Variants in GPBP1 observed in about 807,000 individuals in gnomAD.
The protein encoded by GPBP1 is vasculin.
In GPBP1, 13 loss-of-function variants were observed where a neutral mutation model predicts 56.5. The ratio of observed to expected loss-of-function variants is 0.23; its 90% CI spans 0.15 to 0.37. GPBP1 has a LOEUF of 0.37. Among genes scored for constraint, GPBP1 ranks in the 10% least tolerant of loss-of-function variants. The pLI is 1.00. For synonymous variants in GPBP1, 204 were observed against 188.9 expected (o/e 1.08, Z -0.66); for missense variants, 477 against 572.3 (o/e 0.83, Z 1.70).
chr5:57,183,691 A>C (rs192807134), intron 2 of GPBP1, among the ~76,000 whole-genome samples: 2 of 152,124 alleles, frequency 1.3e-5, no homozygotes, highest in East Asian at 3.9e-4. Flanking sequence ...GGGAAATACT[A>C]GTCTATGTTT....
rs189394670 is a variant in GPBP1 at position 57,212,099 on chromosome 5, G to A, written c.-57-1975G>A. Reference sequence around the variant, plus strand: ...TTACAGGTGCCCACCACCGTGCCCTGCTAATTTTTGTATTTTTATGGGGTT... The same window carrying A: ...TTACAGGTGCCCACCACCGTGCCCTACTAATTTTTGTATTTTTATGGGGTT... On this transcript the variant is annotated intron_variant, in intron 2 of 11. Transcript: ENST00000506184. Among the ~76,000 whole-genome samples the A allele has an allele frequency of 5.9e-4, 90 of 151,918 alleles. 1 individual carries two copies. In the East Asian group the frequency reaches 0.016, roughly 27 times the overall value.
At chr5:57,210,528 T>C (rs1195269233) in intron 2 of GPBP1, among the ~76,000 whole-genome samples, 3 of 152,178 alleles carry the variant, frequency 2.0e-5, no homozygotes, top group African/African-American at 7.2e-5. Context: ...AGTAGGACTG[T>C]TGATTTGCCT....
chr5:57,257,371 T>G (rs1046779658), intron 10 of GPBP1, among the ~76,000 whole-genome samples: 1 of 152,186 alleles, frequency 6.6e-6, no homozygotes. Flanking sequence ...TTTTCAAATA[T>G]TAAAATATGA....
At chr5:57,187,540 T>G (rs1358907929) in intron 2 of GPBP1, among the ~76,000 whole-genome samples, 4 of 152,202 alleles carry the variant, frequency 2.6e-5, no homozygotes, top group African/African-American at 9.7e-5. Flanking sequence ...TGAAGTTTGC[T>G]GTGAAGTTCT....
chr5:57,239,194 C>T (rs1224841649), intron 6 of GPBP1, among the ~76,000 whole-genome samples: 1 of 152,082 alleles, frequency 6.6e-6, no homozygotes, highest in African/African-American at 2.4e-5. Flanking sequence ...AGTAGTACAA[C>T]GTGTTCATGG....
intron 2 of GPBP1, among the ~76,000 whole-genome samples, chr5:57,196,007 T>TA (rs1754730313): frequency 1.7e-5 from 1 of 57,742 alleles, no homozygotes. Context: ...AAAAAAAAAA[T>TA]TTTTTTTTTT....
At chr5:57,250,246 C>T (rs572879718) in intron 9 of GPBP1, among the ~76,000 whole-genome samples, 2 of 151,792 alleles carry the variant, frequency 1.3e-5, no homozygotes, top group South Asian at 2.1e-4. Context: ...TCAGGTGATC[C>T]GCCTGCCTTG....
intron 8 of GPBP1, among the ~76,000 whole-genome samples, chr5:57,247,742 A>C (rs1741162268): frequency 6.6e-6 from 1 of 151,466 alleles, no homozygotes. Context: ...TAAACAAAGA[A>C]TAATTTTTTG....
chr5:57,174,621 C>T (rs900188954), intron 1 of GPBP1, among the ~76,000 whole-genome samples: 1 of 152,118 alleles, frequency 6.6e-6, no homozygotes, highest in Non-Finnish European at 1.5e-5. Flanking sequence ...TTGTGGCCTT[C>T]GGCGGTTTCT....
chr5:57,179,377 C>T (rs1753939196), intron 2 of GPBP1, among the ~76,000 whole-genome samples: 3 of 151,876 alleles, frequency 2.0e-5, no homozygotes. Context: ...GAGACAGGGT[C>T]TCGCTCTCTC....
At chr5:57,203,326 G>C (rs1211577146) in intron 2 of GPBP1, among the ~76,000 whole-genome samples, 1 of 151,990 alleles carries the variant, frequency 6.6e-6, no homozygotes, top group African/African-American at 2.4e-5. Flanking sequence ...TGATTTTTAT[G>C]ATAAAAATGT....
chr5:57,231,998 C>T (rs1172487761), intron 5 of GPBP1, among the ~76,000 whole-genome samples: 10 of 151,908 alleles, frequency 6.6e-5, no homozygotes, highest in Admixed American at 6.6e-4. Flanking sequence ...TTATTTTTTT[C>T]ATGTTTGTGT....
intron 3 of GPBP1, among the ~76,000 whole-genome samples, chr5:57,215,509 C>T (rs916653574): frequency 6.6e-6 from 1 of 152,264 alleles, no homozygotes; most frequent in African/African-American, 2.4e-5. Context: ...GATCCATGCT[C>T]TGATCCAATT....
chr5:57,192,741 G>A (rs112344908), intron 2 of GPBP1, among the ~76,000 whole-genome samples: 4,657 of 123,250 alleles, frequency 0.038, 214 homozygotes, highest in Admixed American at 0.11. Flanking sequence ...CAACGAGAGC[G>A]GAACTCCGTC....
At chr5:57,233,677 T>C (rs1350417455) in intron 5 of GPBP1, among the ~76,000 whole-genome samples, 1 of 152,204 alleles carries the variant, frequency 6.6e-6, no homozygotes, top group Non-Finnish European at 1.5e-5. Flanking sequence ...GGTCTTTGAT[T>C]CTTGTCTTGA....
At chr5:57,203,141 A>T (rs1471542882) in intron 2 of GPBP1, among the ~76,000 whole-genome samples, 1 of 152,188 alleles carries the variant, frequency 6.6e-6, no homozygotes, top group African/African-American at 2.4e-5. Context: ...TATGTCTCAA[A>T]AATTGAGAAT....
chr5:57,188,595 T>C (rs1754389071), intron 2 of GPBP1, among the ~76,000 whole-genome samples: 1 of 151,660 alleles, frequency 6.6e-6, no homozygotes, highest in Non-Finnish European at 1.5e-5. Context: ...ATGCAGAAAT[T>C]AGCTGGGCAT....
intron 6 of GPBP1, among the ~76,000 whole-genome samples, chr5:57,244,727 A>ATTTTTTTT (rs532660984): frequency 3.8e-4 from 35 of 93,162 alleles, no homozygotes; most frequent in African/African-American, 4.4e-4. Flanking sequence ...TTTGTTTGAG[A>ATTTTTTTT]TTTTTTTTTT....
At chr5:57,211,824 G>A (rs527781333) in intron 2 of GPBP1, among the ~76,000 whole-genome samples, 1 of 151,512 alleles carries the variant, frequency 6.6e-6, no homozygotes, top group East Asian at 2.0e-4. Context: ...TGCCCACCTC[G>A]GCCTCCCAAA....
Sources: allele counts gnomAD v4.1 joint callset (sites outside exome capture counted in the v4.1 genomes callset), GRCh38; gene constraint gnomAD v4.1.1; transcripts MANE v1.5; gene names NCBI Gene and HGNC (gene_info 2026-07-23, HGNC 2026-07-21).